The following FRMPD2 variants were observed in gnomAD, a reference collection of about 807,000 sequenced individuals.
The protein encoded by FRMPD2 is FERM and PDZ domain-containing protein 2.
A neutral mutation model predicts 140.1 loss-of-function variants in FRMPD2; 96 were observed. The ratio of observed to expected loss-of-function variants is 0.69; its 90% CI spans 0.58 to 0.81. FRMPD2 has a LOEUF of 0.81. Among genes scored for constraint, FRMPD2 ranks in the 40% least tolerant of loss-of-function variants. FRMPD2 has a pLI of 0.00. For missense variants in FRMPD2, 1,240 were observed against 1,447.4 expected (o/e 0.86, Z 2.32); for synonymous variants, 449 against 547.6 (o/e 0.82, Z 2.52).
chr10:48,206,726 T>C, intron 14 of FRMPD2, 22 bp downstream of exon 14: 1 of 1,601,882 alleles, frequency 6.2e-7, no homozygotes, highest in Non-Finnish European at 8.5e-7. Context: ...TGCAGGTTAT[T>C]TATCAACTGA....
At chr10:48,249,201 G>T (rs937464264) in intron 2 of FRMPD2, 23 bp from the exon 3 acceptor site, 16 of 1,609,496 alleles carry the variant, frequency 9.9e-6, no homozygotes, top group Non-Finnish European at 1.4e-5. Context: ...CAGTGATGGG[G>T]CTGTAGAGAC....
intron 3 of FRMPD2, among the ~76,000 whole-genome samples, chr10:48,245,144 C>T (rs1227510053): frequency 6.6e-6 from 1 of 152,128 alleles, no homozygotes; most frequent in Non-Finnish European, 1.5e-5. Flanking sequence ...GTGACTGGCC[C>T]CACACTTTCC....
intron 22 of FRMPD2, 44 bp downstream of exon 22, chr10:48,178,003 G>A (rs1446626154): frequency 2.2e-6 from 2 of 928,662 alleles, no homozygotes; most frequent in Non-Finnish European, 3.5e-6. Context: ...GTTCTAGACG[G>A]ACATCTTGTT....
chr10:48,205,557 A>G (rs1192793540), intron 14 of FRMPD2, among the ~76,000 whole-genome samples: 1 of 152,260 alleles, frequency 6.6e-6, no homozygotes, highest in Non-Finnish European at 1.5e-5. Context: ...GTAATGTAGT[A>G]GTATTAAATT....
intron 1 of FRMPD2, among the ~76,000 whole-genome samples, chr10:48,261,102 T>A (rs529608454): frequency 6.6e-6 from 1 of 152,016 alleles, no homozygotes; most frequent in African/African-American, 2.4e-5. Context: ...CAAATGGAAA[T>A]GTGAAGAAAA....
At chr10:48,234,136 C>T (rs541701611) in intron 9 of FRMPD2, among the ~76,000 whole-genome samples, 6 of 152,286 alleles carry the variant, frequency 3.9e-5, no homozygotes, top group South Asian at 2.1e-4. Context: ...TTTCACCCTG[C>T]GTGGGGCATG....
At chr10:48,177,061 A>G (rs1241619995) in intron 22 of FRMPD2, among the ~76,000 whole-genome samples, 1 of 150,924 alleles carries the variant, frequency 6.6e-6, no homozygotes, top group South Asian at 2.1e-4. Flanking sequence ...CAACAATGAC[A>G]TTCCTGAAAT....
chr10:48,246,120 A>G (rs204006), intron 3 of FRMPD2, among the ~76,000 whole-genome samples: 26,030 of 152,162 alleles, frequency 0.17, 5,183 homozygotes, highest in African/African-American at 0.49. Context: ...GAAAGGACCC[A>G]AAGAGCAGGG....
chr10:48,238,168 G>A (rs750953088), intron 7 of FRMPD2, 45 bp from the exon 8 acceptor site: 3 of 1,587,604 alleles, frequency 1.9e-6, no homozygotes, highest in African/African-American at 2.7e-5. Context: ...CAATGGCAAG[G>A]GCTTCCATGG....
intron 25 of FRMPD2, among the ~76,000 whole-genome samples, chr10:48,172,717 G>A (rs1292376461): frequency 2.0e-5 from 3 of 151,978 alleles, no homozygotes; most frequent in Admixed American, 6.5e-5. Flanking sequence ...AAGGCTGGGG[G>A]CAGAAAGATG....
At chr10:48,161,138 A>C (rs1221183244) in intron 28 of FRMPD2, among the ~76,000 whole-genome samples, 4 of 151,148 alleles carry the variant, frequency 2.6e-5, no homozygotes, top group African/African-American at 9.8e-5. Context: ...CCCACAGTTC[A>C]TCCATGGGTA....
chr10:48,244,736 A>C, intron 4 of FRMPD2, 48 bp downstream of exon 4: 2 of 1,442,652 alleles, frequency 1.4e-6, no homozygotes, highest in South Asian at 1.1e-5. Context: ...CCACTAAATA[A>C]ACCCAGAGAC....
chr10:48,191,094 A>C (rs1838820200), intron 16 of FRMPD2, among the ~76,000 whole-genome samples: 1 of 152,220 alleles, frequency 6.6e-6, no homozygotes, highest in Non-Finnish European at 1.5e-5. Context: ...CAGGACTGAC[A>C]CCAGGCTAGC....
At chr10:48,255,615 G>A (rs1215508564) in intron 1 of FRMPD2, among the ~76,000 whole-genome samples, 1 of 152,236 alleles carries the variant, frequency 6.6e-6, no homozygotes, top group Non-Finnish European at 1.5e-5. Context: ...CAGCCAACGA[G>A]AAGGTAAGCA....
intron 1 of FRMPD2, among the ~76,000 whole-genome samples, chr10:48,268,550 T>C (rs1235823277): frequency 1.3e-5 from 2 of 152,214 alleles, no homozygotes; most frequent in Non-Finnish European, 2.9e-5. Flanking sequence ...GGTATATTCA[T>C]ACCATGGAAT....
chr10:48,183,259 C>T (rs1382275450), intron 20 of FRMPD2, among the ~76,000 whole-genome samples: 1 of 152,156 alleles, frequency 6.6e-6, no homozygotes, highest in Non-Finnish European at 1.5e-5. Flanking sequence ...AAGAAGCAAT[C>T]ATGAGCCTGA....
Position 48,244,814 on chromosome 10 carries a change from C to T in FRMPD2, c.345G>A (p.Trp115Ter). 6.2e-7 allele frequency: 1 copy of T among 1,613,580 alleles called. No individual in the cohort carries two copies. The highest frequency in any genetic ancestry group is 8.5e-7 in the Non-Finnish European group (1 of 1,179,504). ...HVYSLGMTLY[W>*]SAGFHVPPHQ... ...GTGGCGGAACATGAAACCCTGCTGA[C>T]CAGTAGAGGGTCATTCCTAAAGAAT... Residue 115 changes from tryptophan (W) to a stop codon, truncating the protein, a stop_gained, in exon 4 of 29, where the codon TGG becomes TGA. Transcript: ENST00000374201. LOFTEE classifies it high-confidence loss of function.
rs57389978 is a variant in FRMPD2, at chr10:48,183,851, C to CAAAAA, written c.2584+710_2584+714dup. On this transcript the variant is annotated intron_variant, in intron 20 of 28. Coordinates refer to ENST00000374201, the MANE Select transcript of FRMPD2 (RefSeq NM_001018071.4). ...TGGGTGAAAGAGTGAGACTCCATCTCAAAAAAAAAAAAGGAAAATCAAATA... is the reference window on the plus strand; with the variant it reads ...TGGGTGAAAGAGTGAGACTCCATCTCAAAAAAAAAAAAAAAAAGGAAAATCAAATA... Among the ~76,000 whole-genome samples the CAAAAA allele has an allele frequency of 1.3e-3, 100 of 76,788 alleles. 10 individuals carry two copies. The highest frequency in any genetic ancestry group is 2.4e-3 in the Admixed American group (19 of 7,828). 50.4% of individuals were successfully genotyped at this position (76,788 alleles called of 152,430 possible).
intron 1 of FRMPD2, among the ~76,000 whole-genome samples, chr10:48,259,506 C>G (rs1280860444): frequency 1.3e-5 from 2 of 152,088 alleles, no homozygotes; most frequent in Admixed American, 6.6e-5. Flanking sequence ...GTATTATGCG[C>G]TATTAATCTA....
Sources: gnomAD v4.1 joint callset for allele counts (sites outside exome capture counted in the v4.1 genomes callset) on GRCh38, gnomAD v4.1.1 for gene constraint, MANE v1.5 for transcripts, NCBI Gene and HGNC (gene_info 2026-07-23, HGNC 2026-07-21) for gene names.